Variants in RAP2A observed in about 807,000 individuals in gnomAD.
The protein encoded by RAP2A is ras-related protein Rap-2a.
A neutral mutation model predicts 15.1 loss-of-function variants in RAP2A; 5 were observed. That is an observed-to-expected ratio of 0.33 (90% CI 0.17 to 0.70). The LOEUF (loss-of-function observed/expected upper bound fraction) is 0.70. RAP2A is among the 30% of genes least tolerant of loss of function. RAP2A has a pLI of 0.68. For synonymous variants in RAP2A, 110 were observed against 99.7 expected, an observed-to-expected ratio of 1.10 and a Z score of -0.62; for missense variants, 111 against 240.3, an observed-to-expected ratio of 0.46 and a Z score of 3.56.
chr13:97,442,645 GTTGTTT>G (rs1242218744), intron 1 of RAP2A, among the ~76,000 whole-genome samples: 2 of 151,740 alleles, frequency 1.3e-5, no homozygotes, highest in Admixed American at 1.3e-4. Flanking sequence ...ATTTTATTTC[GTTGTTT>G]TTAAGTGCTT....
At chr13:97,459,208 G>T (rs920649543) in intron 1 of RAP2A, among the ~76,000 whole-genome samples, 2 of 151,892 alleles carry the variant, frequency 1.3e-5, no homozygotes, top group African/African-American at 4.8e-5. Flanking sequence ...CACATACATT[G>T]AACAGTTTGA....
chr13:97,443,244 T>C (rs1290061607), intron 1 of RAP2A, among the ~76,000 whole-genome samples: 1 of 152,184 alleles, frequency 6.6e-6, no homozygotes, highest in East Asian at 1.9e-4. Flanking sequence ...TGAAAAACCT[T>C]TATTTAAAAC....
At position 97,468,084 on chromosome 13, in the gene RAP2A, T is replaced by C. The variant is rs997293796; in HGVS notation, c.*3642T>C. 1 of 152,192 alleles carries C rather than the reference T, an allele frequency of 6.6e-6. No homozygotes were observed. The highest frequency in any genetic ancestry group is 2.4e-5 in the African/African-American group (1 of 41,468). 9.4% of individuals were successfully genotyped at this position (152,192 alleles called of 1,614,324 possible). Reference sequence around the variant, plus strand: ...TTGCCATATAATGAATTTAGTACTCTTCATACAAAAATATTTTAGCTGATT... The same window carrying C: ...TTGCCATATAATGAATTTAGTACTCCTCATACAAAAATATTTTAGCTGATT... On this transcript the variant is annotated 3_prime_UTR_variant, in exon 2 of 2. Coordinates refer to ENST00000245304, the MANE Select transcript of RAP2A (RefSeq NM_021033.7).
At chr13:97,438,571 A>T (rs1421388428) in intron 1 of RAP2A, among the ~76,000 whole-genome samples, 1 of 152,188 alleles carries the variant, frequency 6.6e-6, no homozygotes, top group Admixed American at 6.5e-5. Context: ...TAGTGTTCCA[A>T]TAATGGAACA....
chr13:97,455,090 G>C (rs1474380330), intron 1 of RAP2A, among the ~76,000 whole-genome samples: 1 of 151,190 alleles, frequency 6.6e-6, no homozygotes, highest in East Asian at 1.9e-4. Flanking sequence ...CTTTGACATA[G>C]TTCTGCTCAT....
chr13:97,453,704 A>G (rs2066711642), intron 1 of RAP2A, among the ~76,000 whole-genome samples: 2 of 150,180 alleles, frequency 1.3e-5, no homozygotes. Flanking sequence ...ATAAGTCTTT[A>G]TTTTTCTGGG....
chr13:97,463,509 G>A (rs2066757195), intron 1 of RAP2A, among the ~76,000 whole-genome samples: 1 of 152,208 alleles, frequency 6.6e-6, no homozygotes. Context: ...TCTTTGAACT[G>A]ACTAATCCAT....
intron 1 of RAP2A, among the ~76,000 whole-genome samples, chr13:97,460,781 C>T (rs919056943): frequency 9.2e-5 from 14 of 152,154 alleles, no homozygotes; most frequent in African/African-American, 3.4e-4. Flanking sequence ...GGAATGCTTG[C>T]TTTTCTGCTT....
chr13:97,437,549 T>C (rs1326939545), intron 1 of RAP2A: 1 of 152,126 alleles, frequency 6.6e-6, no homozygotes, highest in African/African-American at 2.4e-5. Flanking sequence ...TCATTCTTAC[T>C]TTAATAACTT....
chr13:97,446,100 C>T (rs1019034563), intron 1 of RAP2A, among the ~76,000 whole-genome samples: 1 of 152,172 alleles, frequency 6.6e-6, no homozygotes. Context: ...TTGCTTCAAT[C>T]TATTCCCTTT....
rs2066621993 is a variant in RAP2A, at chr13:97,434,224, G to T, written c.-247G>T. The T allele has an allele frequency of 1.4e-5, 2 of 146,964 alleles. No homozygotes were observed. Among genetic ancestry groups the T allele is most frequent in the Non-Finnish European group, 3.0e-5 (2 of 66,928 alleles). The allele number at this position is 146,964 out of a possible 1,614,324, so 9.1% of individuals were successfully genotyped here. On this transcript the variant is annotated 5_prime_UTR_variant, in exon 1 of 2. Transcript: ENST00000245304. ...CGGCTCCCGGTCTCTCTCTCTGCTC[G>T]CCCTCAGTCCCACCCGGTGCCTACG...
At chr13:97,435,487 A>C (rs980547928) in intron 1 of RAP2A, among the ~76,000 whole-genome samples, 7 of 148,118 alleles carry the variant, frequency 4.7e-5, no homozygotes, top group East Asian at 3.9e-4. Context: ...AAAAAAAAAA[A>C]CACCACCACA....
intron 1 of RAP2A, among the ~76,000 whole-genome samples, chr13:97,450,759 G>GAT (rs2066699104): frequency 6.6e-6 from 1 of 151,850 alleles, no homozygotes. Context: ...CTTCCTCACA[G>GAT]ATAACACATT....
At position 97,435,212 on chromosome 13, in the gene RAP2A, C is replaced by G. The variant is rs1473846379; in HGVS notation, c.314+428C>G. Among the ~76,000 whole-genome samples, 3 of 152,140 alleles carry G rather than the reference C, an allele frequency of 2.0e-5. No individual in the cohort carries two copies. In the East Asian group the frequency reaches 5.8e-4, roughly 29 times the overall value. ...CGCTCACACACCTATACAGTAAAGT[C>G]AAGTCCAGAGGAAGGAGACCTTTCT... is the stretch of plus-strand genomic sequence containing the variant. On this transcript the variant is annotated intron_variant, in intron 1 of 1. Coordinates refer to ENST00000245304, the MANE Select transcript of RAP2A (RefSeq NM_021033.7).
At chr13:97,436,497 T>C (rs966406128) in intron 1 of RAP2A, among the ~76,000 whole-genome samples, 3 of 152,188 alleles carry the variant, frequency 2.0e-5, no homozygotes, top group Non-Finnish European at 2.9e-5. Context: ...CTTAAAGATA[T>C]GAAGATGCAC....
Position 97,434,884 on chromosome 13 carries a change from G to A in RAP2A, c.314+100G>A, listed in dbSNP as rs1222141663. The A allele has an allele frequency of 7.4e-6, 11 of 1,494,832 alleles. No homozygotes were observed. In the African/African-American group the frequency reaches 8.4e-5, roughly 11 times the overall value. 92.6% of individuals were successfully genotyped at this position (1,494,832 alleles called of 1,614,324 possible). On this transcript the variant is annotated intron_variant, in intron 1 of 1. Coordinates refer to ENST00000245304, the MANE Select transcript of RAP2A (RefSeq NM_021033.7). Reference sequence around the variant, plus strand: ...GGCTCCGGGGAAGGGGCTTTCTGGGGGGTGGCTCCAAGCTGGAGGCTTTAC... The same window carrying A: ...GGCTCCGGGGAAGGGGCTTTCTGGGAGGTGGCTCCAAGCTGGAGGCTTTAC...
At chr13:97,440,085 G>C (rs924182377) in intron 1 of RAP2A, among the ~76,000 whole-genome samples, 2 of 152,058 alleles carry the variant, frequency 1.3e-5, no homozygotes, top group Non-Finnish European at 2.9e-5. Context: ...GAGCCGAAAC[G>C]AGAGTATACA....
At chr13:97,460,620 T>A (rs562802096) in intron 1 of RAP2A, among the ~76,000 whole-genome samples, 1 of 152,308 alleles carries the variant, frequency 6.6e-6, no homozygotes, top group South Asian at 2.1e-4. Context: ...CTTCTTTCCC[T>A]TCAGCGTCTC....
Position 97,450,921 on chromosome 13 carries a change from A to G in RAP2A, c.315-13284A>G, listed in dbSNP as rs149686398. 3.1e-3 allele frequency among the ~76,000 whole-genome samples: 467 copies of G among 152,326 alleles called. 1 individual carries two copies. The highest frequency in any genetic ancestry group is 5.3e-3 in the Non-Finnish European group (360 of 68,028). On this transcript the variant is annotated intron_variant, in intron 1 of 1. Transcript: ENST00000245304. ...CACTGTGGTCAATTGGATGCAATATATAGATCTAATAGTGAAGGAAATGTT... is the reference window on the plus strand; with the variant it reads ...CACTGTGGTCAATTGGATGCAATATGTAGATCTAATAGTGAAGGAAATGTT...
Sources: allele counts gnomAD v4.1 joint callset (sites outside exome capture counted in the v4.1 genomes callset), GRCh38; gene constraint gnomAD v4.1.1; transcripts MANE v1.5; gene names NCBI Gene and HGNC (gene_info 2026-07-23, HGNC 2026-07-21).